Variants in CUX1 observed in about 807,000 individuals in gnomAD.
CUX1 encodes cut like homeobox 1.
A neutral mutation model predicts 158.8 loss-of-function variants in CUX1; 31 were observed. That is an observed-to-expected ratio of 0.20 (90% CI 0.15 to 0.26). The LOEUF is 0.26. Ranked by LOEUF, CUX1 falls within the 10% of genes least tolerant of loss-of-function variation. The pLI is 1.00. For synonymous variants in CUX1, 879 were observed against 862.1 expected (o/e 1.02, Z -0.34); for missense variants, 1,589 against 2,014.6 (o/e 0.79, Z 4.04).
Position 102,136,332 on chromosome 7 carries a change from C to A in CUX1, c.674+21059C>A, listed in dbSNP as rs193105091. On this transcript the variant is annotated intron_variant, in intron 8 of 23. Coordinates refer to ENST00000292535, the MANE Select transcript of CUX1 (RefSeq NM_181552.4). ...GTTTTTAGTTTAAAAGAAAAAAAAA[C>A]AACAACCTTTAGTATTTTGGTCACC... 2.8e-3 allele frequency among the ~76,000 whole-genome samples: 427 copies of A among 151,870 alleles called. 6 individuals are homozygous for A. Among genetic ancestry groups the A allele is most frequent in the Admixed American group, 0.027 (408 of 15,244 alleles).
chr7:102,027,101 A>G (rs1316416304), intron 2 of CUX1, among the ~76,000 whole-genome samples: 2 of 151,614 alleles, frequency 1.3e-5, no homozygotes, highest in Non-Finnish European at 2.9e-5. Flanking sequence ...AATGGCAGCT[A>G]GGGCCGGCCA....
intron 9 of CUX1, among the ~76,000 whole-genome samples, chr7:102,167,933 T>G (rs975018607): frequency 1.7e-4 from 26 of 151,312 alleles, no homozygotes; most frequent in Non-Finnish European, 1.3e-4. Context: ...TAAAAATGAG[T>G]CGGTTGTGGC....
intron 8 of CUX1, 31 bp downstream of exon 8, chr7:102,115,304 G>T: frequency 6.3e-7 from 1 of 1,590,856 alleles, no homozygotes; most frequent in Non-Finnish European, 8.5e-7. Flanking sequence ...TCCCTTATCC[G>T]TACACATTTC....
At chr7:101,837,818 G>A (rs1046750145) in intron 1 of CUX1, among the ~76,000 whole-genome samples, 1 of 90,186 alleles carries the variant, frequency 1.1e-5, no homozygotes, top group African/African-American at 4.8e-5. Context: ...GTGACAGAAC[G>A]AGACCCTGTC....
chr7:101,939,105 ATATATAT>A (rs1807370852), intron 2 of CUX1, among the ~76,000 whole-genome samples: 2 of 64,706 alleles, frequency 3.1e-5, no homozygotes, highest in Admixed American at 1.9e-4. Flanking sequence ...ATATATATAT[ATATATAT>A]ATGATGGTTC....
intron 1 of CUX1, among the ~76,000 whole-genome samples, chr7:101,862,858 T>G (rs1797602748): frequency 6.6e-6 from 1 of 151,886 alleles, no homozygotes; most frequent in Non-Finnish European, 1.5e-5. Context: ...AAAATGTGGC[T>G]TCAGATTATT....
chr7:102,112,235 TC>T, intron 7 of CUX1, among the ~76,000 whole-genome samples: 2 of 130,420 alleles, frequency 1.5e-5, no homozygotes, highest in Non-Finnish European at 3.3e-5. Flanking sequence ...AACTTCTTTC[TC>T]TCTCTCTTTT....
intron 20 of CUX1, among the ~76,000 whole-genome samples, chr7:102,206,261 G>A (rs189277791): frequency 8.7e-4 from 133 of 152,256 alleles, no homozygotes; most frequent in African/African-American, 3.1e-3. Flanking sequence ...TCTGACCAAC[G>A]TGGGGGTCGA....
At chr7:102,222,271 T>C (rs382947) in intron 20 of CUX1, among the ~76,000 whole-genome samples, 95,285 of 151,872 alleles carry the variant, frequency 0.63, 30,255 homozygotes, top group East Asian at 0.93. Flanking sequence ...GAGCAAGACC[T>C]CGTCTCAAAA....
chr7:102,022,286 G>A (rs1819467823), intron 2 of CUX1, among the ~76,000 whole-genome samples: 1 of 152,102 alleles, frequency 6.6e-6, no homozygotes, highest in South Asian at 2.1e-4. Flanking sequence ...TCAGTTCTCT[G>A]ACCTAAAAAC....
chr7:101,990,841 C>A (rs1815016477), intron 2 of CUX1, among the ~76,000 whole-genome samples: 1 of 152,194 alleles, frequency 6.6e-6, no homozygotes, highest in African/African-American at 2.4e-5. Context: ...TCTGTGTCTT[C>A]TGTGATTCTC....
At chr7:102,244,248 T>TA (rs1800560601) in intron 23 of CUX1, among the ~76,000 whole-genome samples, 1 of 152,016 alleles carries the variant, frequency 6.6e-6, no homozygotes, top group African/African-American at 2.4e-5. Flanking sequence ...TCTCAGGGGT[T>TA]AAACAGGAAA....
intron 6 of CUX1, among the ~76,000 whole-genome samples, chr7:102,106,200 G>C (rs1213510412): frequency 7.0e-6 from 1 of 143,616 alleles, no homozygotes; most frequent in Non-Finnish European, 1.5e-5. Context: ...TGATTCTCCT[G>C]CCTCAGCCTC....
At chr7:102,076,448 C>T (rs1826740028) in intron 4 of CUX1, among the ~76,000 whole-genome samples, 1 of 152,022 alleles carries the variant, frequency 6.6e-6, no homozygotes. Flanking sequence ...AGCATTGAAC[C>T]CTCATGGTCC....
chr7:101,827,605 C>A (rs1191918466), intron 1 of CUX1, among the ~76,000 whole-genome samples: 2 of 152,072 alleles, frequency 1.3e-5, no homozygotes, highest in Non-Finnish European at 2.9e-5. Flanking sequence ...GCCACCAGGC[C>A]CACATAAAAC....
chr7:101,985,157 G>A (rs952463881), intron 2 of CUX1, among the ~76,000 whole-genome samples: 1 of 152,226 alleles, frequency 6.6e-6, no homozygotes, highest in African/African-American at 2.4e-5. Flanking sequence ...TCTGAGGATT[G>A]TAATACCGAG....
At chr7:101,850,426 T>C (rs1038031958) in intron 1 of CUX1, among the ~76,000 whole-genome samples, 46 of 146,860 alleles carry the variant, frequency 3.1e-4, no homozygotes, top group Admixed American at 4.7e-4. Flanking sequence ...TCTTTCTTTT[T>C]TTTTTTTTTT....
intron 1 of CUX1, among the ~76,000 whole-genome samples, chr7:101,912,614 C>A (rs576474476): frequency 6.6e-6 from 1 of 152,202 alleles, no homozygotes; most frequent in African/African-American, 2.4e-5. Context: ...GAGCCAGGCA[C>A]GGTCACAAGT....
At chr7:101,974,799 T>C (rs549526450) in intron 2 of CUX1, among the ~76,000 whole-genome samples, 1 of 152,256 alleles carries the variant, frequency 6.6e-6, no homozygotes, top group East Asian at 1.9e-4. Context: ...GCGTTGTATG[T>C]ATAATAAACA....
Sources: gnomAD v4.1 joint callset for allele counts (sites outside exome capture counted in the v4.1 genomes callset) on GRCh38, gnomAD v4.1.1 for gene constraint, MANE v1.5 for transcripts, NCBI Gene and HGNC (gene_info 2026-07-23, HGNC 2026-07-21) for gene names.